ABHD2: variants seen among roughly 807,000 people sequenced by gnomAD.
The protein encoded by ABHD2 is abhydrolase domain containing 2, acylglycerol lipase, also known as monoacylglycerol lipase ABHD2.
In ABHD2, 20 loss-of-function variants were observed where a neutral mutation model predicts 48.1. The ratio of observed to expected loss-of-function variants is 0.42; its 90% CI spans 0.29 to 0.60. The LOEUF is 0.60. Among genes scored for constraint, ABHD2 ranks in the 20% least tolerant of loss-of-function variants. The probability of loss-of-function intolerance (pLI) is 0.24; values close to 1 mark genes in which losing one functional copy is unlikely to be tolerated. For missense variants in ABHD2, 405 were observed against 550.9 expected, an observed-to-expected ratio of 0.74 and a Z score of 2.65; for synonymous variants, 209 against 214.2, an observed-to-expected ratio of 0.98 and a Z score of 0.21.
chr15:89,087,748 C>T (rs766834161), upstream of ABHD2: 3 of 152,228 alleles, frequency 2.0e-5, no homozygotes, highest in Non-Finnish European at 2.9e-5. This position sits in a 1 kb window ranked among gnomAD's most constrained non-coding sequence, Gnocchi z 5.5. Context: ...CAGGCGGCCT[C>T]CAACTGGGTT....
At chr15:89,148,928 C>T (rs2050543404) in intron 3 of ABHD2, among the ~76,000 whole-genome samples, 1 of 152,098 alleles carries the variant, frequency 6.6e-6, no homozygotes, top group African/African-American at 2.4e-5. Context: ...TGACCTAAAC[C>T]ATGTGACTGG....
intron 3 of ABHD2, among the ~76,000 whole-genome samples, chr15:89,121,801 C>G (rs2050055668): frequency 6.6e-6 from 1 of 152,144 alleles, no homozygotes; most frequent in South Asian, 2.1e-4. Context: ...ACCAAAATGC[C>G]TCTTATCCTA....
At chr15:89,042,564 T>A in the ABHD2 span, among the ~76,000 whole-genome samples, 1 of 150,684 alleles carries the variant, frequency 6.6e-6, no homozygotes, top group Non-Finnish European at 1.5e-5. Context: ...CTTTCTTTTT[T>A]ATTTCCTTTT....
chr15:89,118,783 G>A (rs1456035937), intron 3 of ABHD2, among the ~76,000 whole-genome samples: 1 of 152,162 alleles, frequency 6.6e-6, no homozygotes, highest in Non-Finnish European at 1.5e-5. Flanking sequence ...GTAAAAGAAA[G>A]CTGACTGTGG....
rs1299697432 is a variant in ABHD2 at position 89,166,179 on chromosome 15, C to T, written c.539-9633C>T. On this transcript the variant is annotated intron_variant, in intron 5 of 10. Transcript: ENST00000352732. This position sits in a 1 kb window ranked among gnomAD's most constrained non-coding sequence, Gnocchi z 4.6. ...TGTCAAGTGAAAGGAATAAAAATAA[C>T]CTGGCTCTGGCTCCCCAAAGGTAAC... Among the ~76,000 whole-genome samples, 4 of 152,164 alleles carry T rather than the reference C, an allele frequency of 2.6e-5. No individual in the cohort carries two copies. Among genetic ancestry groups the T allele is most frequent in the African/African-American group, 9.7e-5 (4 of 41,434 alleles).
chr15:89,049,728 A>G, the ABHD2 span, among the ~76,000 whole-genome samples: 65 of 152,324 alleles, frequency 4.3e-4, no homozygotes, highest in African/African-American at 1.5e-3. Flanking sequence ...AAGTAAGGCA[A>G]TGCCTCGCCC....
At chr15:89,105,700 G>T (rs893971234) in intron 1 of ABHD2, among the ~76,000 whole-genome samples, 1 of 152,200 alleles carries the variant, frequency 6.6e-6, no homozygotes. Flanking sequence ...CCTTGTTATG[G>T]TAACCCACTC....
chr15:89,185,696 C>T lies in ABHD2; in HGVS notation c.815+180C>T, dbSNP rs1381179474. 1.3e-5 allele frequency among the ~76,000 whole-genome samples: 2 copies of T among 152,152 alleles called. No individual in the cohort carries two copies. Among genetic ancestry groups the T allele is most frequent in the Non-Finnish European group, 2.9e-5 (2 of 68,028 alleles). On this transcript the variant is annotated intron_variant, in intron 7 of 10. Coordinates refer to ENST00000352732, the MANE Select transcript of ABHD2 (RefSeq NM_152924.5). The surrounding 1 kb of genome is among the most constrained non-coding windows in gnomAD (Gnocchi z 5.9). ...GAAACAAACTTGTCTTGGCCAGGCG[C>T]GGTGGCTCACGCCTGTAACCCCAGC...
At chr15:89,117,214 C>T (rs1242748228) in intron 3 of ABHD2, among the ~76,000 whole-genome samples, 5 of 152,092 alleles carry the variant, frequency 3.3e-5, no homozygotes, top group African/African-American at 7.2e-5. Flanking sequence ...TTAGTAGAGA[C>T]GGGGTTTCGC....
the ABHD2 span, among the ~76,000 whole-genome samples, chr15:89,053,261 C>T: frequency 2.6e-5 from 4 of 152,052 alleles, no homozygotes; most frequent in South Asian, 2.1e-4. Context: ...CCACCGTACC[C>T]GGCCTGTGGG....
In ABHD2 at chr15:89,102,542, G is replaced by T. The variant is rs1021838817; in HGVS notation, c.-106-11183G>T. ...TGCAAGCCACTGCTTTATCCACGAG[G>T]GTGCTCCCTACTTATGCCAGTGAAT... On this transcript the variant is annotated intron_variant, in intron 1 of 10. Transcript: ENST00000352732. This position sits in a 1 kb window ranked among gnomAD's most constrained non-coding sequence, Gnocchi z 4.8. 3 of 152,194 alleles carry T rather than the reference G, an allele frequency of 2.0e-5. No individual in the cohort carries two copies. 9.4% of individuals were successfully genotyped at this position (152,194 alleles called of 1,614,324 possible). A position where few individuals can be genotyped will look rare whatever the true frequency, so the allele number is the denominator to read the frequency against.
chr15:89,115,418 GTGTGTGTGTGTGTT>G (rs1399808187), intron 2 of ABHD2, among the ~76,000 whole-genome samples: 38 of 88,632 alleles, frequency 4.3e-4, no homozygotes, highest in African/African-American at 1.8e-3. Flanking sequence ...GTGTGTGTGT[GTGTGTGTGTGTGTT>G]TTGTATATAA....
At position 89,198,215 on chromosome 15, in the gene ABHD2, A is replaced by G. The variant is rs1288916552; in HGVS notation, c.*2792A>G. Reference sequence around the variant, plus strand: ...GTATTTGAATATATTTTAGAATCAAATTGAGGCTATAAATTGCATCAATCT... The same window carrying G: ...GTATTTGAATATATTTTAGAATCAAGTTGAGGCTATAAATTGCATCAATCT... On this transcript the variant is annotated 3_prime_UTR_variant, in exon 11 of 11. Transcript: ENST00000352732. The surrounding 1 kb of genome is among the most constrained non-coding windows in gnomAD (Gnocchi z 5.1). 6.6e-6 allele frequency: 1 copy of G among 152,248 alleles called. No individual in the cohort carries two copies. The highest frequency in any genetic ancestry group is 1.5e-5 in the Non-Finnish European group (1 of 68,048). The allele number at this position is 152,248 out of a possible 1,614,324, so 9.4% of individuals were successfully genotyped here.
Position 89,184,996 on chromosome 15 carries a change from C to T in ABHD2, c.723-428C>T, listed in dbSNP as rs543978713. On this transcript the variant is annotated intron_variant, in intron 6 of 10. Coordinates refer to ENST00000352732, the MANE Select transcript of ABHD2 (RefSeq NM_152924.5). This position sits in a 1 kb window ranked among gnomAD's most constrained non-coding sequence, Gnocchi z 5.1. ...AATGACAGAAGATTTTTTAGGTTTT[C>T]CCCTCCACACCCACTCTCCCGTTCC... is the stretch of plus-strand genomic sequence containing the variant. Among the ~76,000 whole-genome samples, 35 of 152,314 alleles carry T rather than the reference C, an allele frequency of 2.3e-4. No individual in the cohort carries two copies. Among genetic ancestry groups the T allele is most frequent in the African/African-American group, 6.5e-4 (27 of 41,560 alleles).
intron 3 of ABHD2, among the ~76,000 whole-genome samples, chr15:89,150,761 C>T (rs139305682): frequency 8.8e-4 from 134 of 152,238 alleles, no homozygotes; most frequent in South Asian, 4.6e-3. Flanking sequence ...GAATGATTGA[C>T]GTCACTATCA....
chr15:89,043,457 G>GAGAAGGAGAAGA, the ABHD2 span, among the ~76,000 whole-genome samples: 3 of 148,990 alleles, frequency 2.0e-5, no homozygotes, highest in Non-Finnish European at 3.0e-5. Flanking sequence ...GGAGGAGGAG[G>GAGAAGGAGAAGA]AGAAGGAGAA....
At chr15:89,052,554 G>GACACAC in the ABHD2 span, among the ~76,000 whole-genome samples, 1 of 118,630 alleles carries the variant, frequency 8.4e-6, no homozygotes, top group African/African-American at 2.7e-5. Flanking sequence ...CAGACAGACA[G>GACACAC]ACAGACACAC....
At chr15:89,142,990 C>T (rs966650869) in intron 3 of ABHD2, among the ~76,000 whole-genome samples, 1 of 151,998 alleles carries the variant, frequency 6.6e-6, no homozygotes, top group Non-Finnish European at 1.5e-5. Context: ...TGAGCCAATT[C>T]GATTCCATGA....
chr15:89,056,854 A>G, the ABHD2 span, among the ~76,000 whole-genome samples: 2 of 150,406 alleles, frequency 1.3e-5, no homozygotes, highest in African/African-American at 4.9e-5. Context: ...CAGGAAATAT[A>G]GTCAGTAGGC....
Sources: gnomAD v4.1 joint callset for allele counts (sites outside exome capture counted in the v4.1 genomes callset) on GRCh38, gnomAD v4.1.1 for gene constraint, Gnocchi (gnomAD v3.1) non-coding constraint, MANE v1.5 for transcripts, NCBI Gene and HGNC (gene_info 2026-07-23, HGNC 2026-07-21) for gene names.